Variants in MEI4 observed in about 807,000 individuals in gnomAD.
MEI4 encodes meiotic double-stranded break formation protein 4, also known as meiosis-specific protein MEI4.
Under a neutral mutation model 31.4 loss-of-function variants are expected in MEI4, and 27 were observed. The observed-to-expected ratio is 0.86, with a 90% CI of 0.63 to 1.19. The LOEUF is 1.19. MEI4 is among the 50% of genes most tolerant of loss of function. MEI4 has a pLI of 0.00. For missense variants in MEI4, 329 were observed against 398.9 expected (o/e 0.82, Z 1.49); for synonymous variants, 122 against 145.4 (o/e 0.84, Z 1.16).
At chr6:77,852,944 A>T (rs973903497) in intron 4 of MEI4, among the ~76,000 whole-genome samples, 1 of 152,172 alleles carries the variant, frequency 6.6e-6, no homozygotes, top group Non-Finnish European at 1.5e-5. Flanking sequence ...CACCTGTGTA[A>T]TCCCAGCACT....
At chr6:77,896,156 A>G (rs1290541080) in intron 4 of MEI4, among the ~76,000 whole-genome samples, 1 of 152,102 alleles carries the variant, frequency 6.6e-6, no homozygotes, top group Admixed American at 6.6e-5. Flanking sequence ...AACACTAACT[A>G]AAGAGATTTC....
chr6:77,802,293 C>T (rs573668608), intron 3 of MEI4, among the ~76,000 whole-genome samples: 3 of 152,128 alleles, frequency 2.0e-5, no homozygotes, highest in East Asian at 1.9e-4. Flanking sequence ...GGATTGCAAC[C>T]CCTGCCTTTG....
intron 3 of MEI4, among the ~76,000 whole-genome samples, chr6:77,797,980 A>C (rs1035715356): frequency 6.6e-6 from 1 of 152,162 alleles, no homozygotes; most frequent in Non-Finnish European, 1.5e-5. Context: ...ACACAAGCCT[A>C]TGTATGTTCG....
chr6:77,842,540 A>T (rs1200509974), intron 4 of MEI4, among the ~76,000 whole-genome samples: 1 of 152,154 alleles, frequency 6.6e-6, no homozygotes, highest in Non-Finnish European at 1.5e-5. Flanking sequence ...ATATAAGAGC[A>T]TACATGAATG....
intron 4 of MEI4, among the ~76,000 whole-genome samples, chr6:77,853,086 T>G (rs981187141): frequency 1.3e-4 from 20 of 152,088 alleles, no homozygotes; most frequent in African/African-American, 4.6e-4. Flanking sequence ...TAATCCCACC[T>G]ACTTGGGAGG....
At chr6:77,699,220 C>T (rs9352512) in intron 2 of MEI4, among the ~76,000 whole-genome samples, 19,606 of 132,086 alleles carry the variant, frequency 0.15, 1,451 homozygotes, top group Middle Eastern at 0.26. Flanking sequence ...GACGGAGTCT[C>T]GCTCTGTCAC....
At chr6:77,921,090 A>G (rs1164244210) in intron 4 of MEI4, among the ~76,000 whole-genome samples, 1 of 151,892 alleles carries the variant, frequency 6.6e-6, no homozygotes, top group Non-Finnish European at 1.5e-5. Flanking sequence ...CTGTAGCTAC[A>G]AAATTCCTAG....
At chr6:77,651,039 A>G (rs1768290191), upstream of MEI4, among the ~76,000 whole-genome samples, 1 of 152,208 alleles carries the variant, frequency 6.6e-6, no homozygotes, top group Non-Finnish European at 1.5e-5. Flanking sequence ...CAAGGACCTC[A>G]CAGGCTTCAG....
At chr6:77,666,423 T>TGGGCTC (rs1050604929) in intron 1 of MEI4, among the ~76,000 whole-genome samples, 3 of 152,200 alleles carry the variant, frequency 2.0e-5, no homozygotes, top group African/African-American at 7.2e-5. Flanking sequence ...TGGCTTGGCT[T>TGGGCTC]GGGCTCAGAG....
chr6:77,875,124 GGCCTTCA>G (rs1196016074), intron 4 of MEI4, among the ~76,000 whole-genome samples: 1 of 152,138 alleles, frequency 6.6e-6, no homozygotes, highest in Non-Finnish European at 1.5e-5. Flanking sequence ...TTACTCTCAA[GGCCTTCA>G]GCTTCCTTGA....
intron 2 of MEI4, among the ~76,000 whole-genome samples, chr6:77,702,958 A>C (rs1442265178): frequency 1.3e-5 from 2 of 152,122 alleles, no homozygotes; most frequent in South Asian, 2.1e-4. Flanking sequence ...GTCTTCACTA[A>C]CTACCTCCCT....
At chr6:77,923,045 A>C in intron 4 of MEI4, 44 bp from the exon 5 acceptor site, 3 of 1,178,144 alleles carry the variant, frequency 2.5e-6, no homozygotes, top group Non-Finnish European at 3.2e-6. Flanking sequence ...TTTCTTAGGT[A>C]ATTTATACCC....
chr6:77,693,765 A>T (rs535336980), intron 2 of MEI4, among the ~76,000 whole-genome samples: 2 of 152,246 alleles, frequency 1.3e-5, no homozygotes, highest in East Asian at 3.9e-4. Flanking sequence ...TTATGTAAGG[A>T]TGACATGAAA....
Position 77,690,795 on chromosome 6 carries a change from G to C in MEI4, c.124G>C (p.Glu42Gln), listed in dbSNP as rs1769143662. Residue 42 changes from glutamate to glutamine, a missense_variant, in exon 2 of 5, where the codon GAG becomes CAG. Physicochemically the swap from Glu to Gln is conservative, Grantham distance 29. Transcript: ENST00000684080. ...YTEHLAMLLS[E>Q]EQSKWRSKVE... ...AGAGCACCTTGCTATGTTGCTGTCT[G>C]AGGAGCAGTCAAAATGGAGATCAAA... 8.1e-7 allele frequency: 1 copy of C among 1,231,688 alleles called. No individual in the cohort carries two copies. The highest frequency in any genetic ancestry group is 1.0e-6 in the Non-Finnish European group (1 of 987,458). The allele number at this position is 1,231,688 out of a possible 1,614,324, so 76.3% of individuals were successfully genotyped here.
chr6:77,921,975 C>T (rs1562040714), intron 4 of MEI4, among the ~76,000 whole-genome samples: 1 of 151,584 alleles, frequency 6.6e-6, no homozygotes, highest in African/African-American at 2.4e-5. Context: ...GACACAGATA[C>T]AAAGTGAGCA....
chr6:77,783,011 T>G (rs1164188337), intron 3 of MEI4, among the ~76,000 whole-genome samples: 2 of 136,194 alleles, frequency 1.5e-5, no homozygotes, highest in African/African-American at 7.0e-5. Context: ...TTTTTTCCAC[T>G]GTTTATGTTT....
intron 1 of MEI4, among the ~76,000 whole-genome samples, chr6:77,677,785 G>A (rs1768872009): frequency 1.3e-5 from 2 of 152,078 alleles, no homozygotes; most frequent in Admixed American, 1.3e-4. Flanking sequence ...TTCATCCAGC[G>A]AAATACATGT....
intron 4 of MEI4, among the ~76,000 whole-genome samples, chr6:77,845,036 C>T (rs1274675365): frequency 4.6e-5 from 7 of 152,124 alleles, no homozygotes; most frequent in Non-Finnish European, 7.4e-5. Flanking sequence ...CAAGAATTCA[C>T]ACTACCTTGC....
At chr6:77,769,109 G>A (rs973758607) in intron 3 of MEI4, among the ~76,000 whole-genome samples, 1 of 152,154 alleles carries the variant, frequency 6.6e-6, no homozygotes, top group African/African-American at 2.4e-5. Context: ...AAGAGGGCAA[G>A]AAAATCTGTC....
Sources: allele counts gnomAD v4.1 joint callset (sites outside exome capture counted in the v4.1 genomes callset), GRCh38; gene constraint gnomAD v4.1.1; transcripts MANE v1.5; gene names NCBI Gene and HGNC (gene_info 2026-07-23, HGNC 2026-07-21).